BICD1: variants seen among roughly 807,000 people sequenced by gnomAD.
BICD1 encodes BICD cargo adaptor 1.
BICD1 carries 35 observed loss-of-function variants against 92.5 expected under a neutral mutation model. That is an observed-to-expected ratio of 0.38 (90% CI 0.29 to 0.50). The LOEUF (loss-of-function observed/expected upper bound fraction) is 0.50, where lower values mean the gene tolerates loss of function less well. BICD1 is among the 20% of genes least tolerant of loss of function. BICD1 has a pLI of 0.93. For synonymous variants in BICD1, 429 were observed against 465.1 expected, an observed-to-expected ratio of 0.92 and a Z score of 1.00; for missense variants, 950 against 1,189.8, an observed-to-expected ratio of 0.80 and a Z score of 2.97.
chr12:32,126,724 T>G (rs973312908), intron 1 of BICD1, among the ~76,000 whole-genome samples: 2 of 152,004 alleles, frequency 1.3e-5, no homozygotes, highest in Non-Finnish European at 2.9e-5. Flanking sequence ...ATCACGCCAC[T>G]GCACTCTAGC....
At chr12:32,176,754 T>C (rs1054321861) in intron 1 of BICD1, among the ~76,000 whole-genome samples, 6 of 152,224 alleles carry the variant, frequency 3.9e-5, no homozygotes, top group African/African-American at 1.4e-4. Flanking sequence ...TGTTTGTTCC[T>C]TTTTATTGCT....
At chr12:32,124,513 T>C (rs1684122) in intron 1 of BICD1, among the ~76,000 whole-genome samples, 43,748 of 151,984 alleles carry the variant, frequency 0.29, 6,542 homozygotes, top group Admixed American at 0.43. Flanking sequence ...TAATACAGTA[T>C]CTGACACATG....
chr12:32,109,862 A>G (rs1253295382), intron 1 of BICD1, among the ~76,000 whole-genome samples: 1 of 152,094 alleles, frequency 6.6e-6, no homozygotes, highest in Non-Finnish European at 1.5e-5. Flanking sequence ...AATTGTGCAA[A>G]CTGAGGTGTT....
chr12:32,283,730 A>T (rs1947481409), intron 2 of BICD1, among the ~76,000 whole-genome samples: 1 of 152,228 alleles, frequency 6.6e-6, no homozygotes, highest in South Asian at 2.1e-4. Flanking sequence ...TGATAACATG[A>T]CAAATGATAT....
intron 1 of BICD1, among the ~76,000 whole-genome samples, chr12:32,154,462 AG>A (rs756531272): frequency 3.9e-5 from 6 of 152,220 alleles, no homozygotes; most frequent in Non-Finnish European, 8.8e-5. Flanking sequence ...TCCTCTTGAC[AG>A]TCAAGCTCCT....
intron 2 of BICD1, among the ~76,000 whole-genome samples, chr12:32,277,056 C>T (rs1382785884): frequency 6.6e-6 from 1 of 152,156 alleles, no homozygotes; most frequent in Non-Finnish European, 1.5e-5. Flanking sequence ...AATATATGAA[C>T]CCAGGTCCAT....
intron 2 of BICD1, among the ~76,000 whole-genome samples, chr12:32,229,017 A>C (rs1945789471): frequency 6.6e-6 from 1 of 152,112 alleles, no homozygotes; most frequent in South Asian, 2.1e-4. Context: ...TGGGAGGCTG[A>C]GGCGAGCGGA....
chr12:32,198,328 ATC>A (rs910839274), intron 1 of BICD1, among the ~76,000 whole-genome samples: 1,127 of 91,254 alleles, frequency 0.012, 70 homozygotes, highest in African/African-American at 0.044. Context: ...ATATGCATCT[ATC>A]TATATATATA....
chr12:32,130,245 C>T (rs1440493753), intron 1 of BICD1, among the ~76,000 whole-genome samples: 1 of 151,462 alleles, frequency 6.6e-6, no homozygotes, highest in Non-Finnish European at 1.5e-5. Flanking sequence ...CGCTCTGTCG[C>T]CCAGGCTGGA....
intron 1 of BICD1, among the ~76,000 whole-genome samples, chr12:32,165,122 A>T (rs1943715375): frequency 6.6e-6 from 1 of 152,172 alleles, no homozygotes; most frequent in Admixed American, 6.5e-5. Flanking sequence ...TACAATAAAG[A>T]TGGATTAGGA....
chr12:32,237,538 C>G (rs904821053), intron 2 of BICD1, among the ~76,000 whole-genome samples: 1 of 152,124 alleles, frequency 6.6e-6, no homozygotes, highest in African/African-American at 2.4e-5. Context: ...GCTTTTGTCC[C>G]TTGGGCTCTT....
At chr12:32,122,507 A>G (rs565286465) in intron 1 of BICD1, among the ~76,000 whole-genome samples, 4 of 151,460 alleles carry the variant, frequency 2.6e-5, no homozygotes, top group East Asian at 3.9e-4. Context: ...AAAAAAACAA[A>G]TAACAAAAAA....
At chr12:32,213,393 G>GTTGTTT (rs1264068114) in intron 1 of BICD1, among the ~76,000 whole-genome samples, 30 of 152,138 alleles carry the variant, frequency 2.0e-4, no homozygotes, top group African/African-American at 2.6e-4. Flanking sequence ...TTTTGTTGTT[G>GTTGTTT]TTGTTTTTGT....
chr12:32,345,971 A>G (rs1938547799), intron 8 of BICD1, among the ~76,000 whole-genome samples: 1 of 152,094 alleles, frequency 6.6e-6, no homozygotes, highest in Non-Finnish European at 1.5e-5. Context: ...CAACATGGCG[A>G]AACCATGTCT....
chr12:32,246,329 G>GAAAC (rs1946388059), intron 2 of BICD1, among the ~76,000 whole-genome samples: 1 of 101,124 alleles, frequency 9.9e-6, no homozygotes, highest in African/African-American at 3.9e-5. Context: ...AAAAAAAAAG[G>GAAAC]TTGATTAAAA....
At chr12:32,179,989 CAA>C (rs4001794) in intron 1 of BICD1, among the ~76,000 whole-genome samples, 11 of 122,196 alleles carry the variant, frequency 9.0e-5, no homozygotes, top group Admixed American at 1.7e-4. Flanking sequence ...GACACGCTCT[CAA>C]AAAAAAAAAA....
chr12:32,383,384 GC>G lies in BICD1; in HGVS notation c.*5758del, dbSNP rs1219065644. On this transcript the variant is annotated 3_prime_UTR_variant, in exon 10 of 10. Transcript: ENST00000652176. ...AAAAAATTCTTATGAATTTATTATT[GC>G]TTGTACTTTAACTTTTTTTATTGTA... is the stretch of plus-strand genomic sequence containing the variant. The G allele has an allele frequency of 6.6e-6, 1 of 152,068 alleles. No homozygotes were observed. The highest frequency in any genetic ancestry group is 2.4e-5 in the African/African-American group (1 of 41,418). 9.4% of individuals were successfully genotyped at this position (152,068 alleles called of 1,614,324 possible). A position where few individuals can be genotyped will look rare whatever the true frequency, so the allele number is the denominator to read the frequency against.
At chr12:32,299,074 A>G (rs1947962070) in intron 3 of BICD1, among the ~76,000 whole-genome samples, 4 of 152,186 alleles carry the variant, frequency 2.6e-5, no homozygotes, top group Admixed American at 2.6e-4. Context: ...GTAAATGAAT[A>G]TTAAAGCCAC....
chr12:32,301,512 C>T (rs921672379), intron 3 of BICD1, among the ~76,000 whole-genome samples: 8 of 151,850 alleles, frequency 5.3e-5, no homozygotes, highest in African/African-American at 1.2e-4. Context: ...CAGTGGCTCA[C>T]GCCTGTAATC....
Sources: allele counts gnomAD v4.1 joint callset (sites outside exome capture counted in the v4.1 genomes callset), GRCh38; gene constraint gnomAD v4.1.1; transcripts MANE v1.5; gene names NCBI Gene and HGNC (gene_info 2026-07-23, HGNC 2026-07-21).